Variants in ARHGAP22 observed in about 807,000 individuals in gnomAD.
The protein encoded by ARHGAP22 is rho GTPase-activating protein 22.
ARHGAP22 carries 48 observed loss-of-function variants against 59.1 expected under a neutral mutation model. That is an observed-to-expected ratio of 0.81 (90% CI 0.64 to 1.03). The LOEUF is 1.03. ARHGAP22 is among the 50% of genes least tolerant of loss of function. The pLI, the probability that ARHGAP22 is intolerant of heterozygous loss-of-function variation, is 0.00. For missense variants in ARHGAP22, 1,015 were observed against 958.7 expected (o/e 1.06, Z -0.78); for synonymous variants, 445 against 416.4 (o/e 1.07, Z -0.84).
At position 48,571,591 on chromosome 10, in the gene ARHGAP22, A is replaced by C. The variant is rs543683144; in HGVS notation, c.234+11362T>G. Among the ~76,000 whole-genome samples the C allele has an allele frequency of 2.0e-5, 3 of 152,358 alleles. No homozygotes were observed. The South Asian group carries it at 6.2e-4, about 32-fold the overall frequency. On this transcript the variant is annotated intron_variant, in intron 2 of 9. Transcript: ENST00000249601. Reference sequence around the variant, plus strand: ...TGTGCCTCAGTTTCCTTATTGGGACAGTGGTGATAGTACTCATTCCTAAAT... The same window carrying C: ...TGTGCCTCAGTTTCCTTATTGGGACCGTGGTGATAGTACTCATTCCTAAAT...
At chr10:48,487,718 A>G (rs541714560) in intron 3 of ARHGAP22, among the ~76,000 whole-genome samples, 52 of 152,292 alleles carry the variant, frequency 3.4e-4, no homozygotes, top group African/African-American at 1.3e-3. Flanking sequence ...CTTCTGACCT[A>G]CAGAACCATA....
intron 1 of ARHGAP22, among the ~76,000 whole-genome samples, chr10:48,644,843 T>A (rs768674581): frequency 3.9e-5 from 6 of 152,000 alleles, no homozygotes; most frequent in Non-Finnish European, 8.8e-5. Flanking sequence ...TAAGCTAAGC[T>A]TTCATGTTAA....
intron 3 of ARHGAP22, among the ~76,000 whole-genome samples, chr10:48,506,394 G>T (rs1469680833): frequency 6.6e-6 from 1 of 152,118 alleles, no homozygotes; most frequent in African/African-American, 2.4e-5. Flanking sequence ...ATAATAACAC[G>T]GTGGGAAGTA....
intron 3 of ARHGAP22, among the ~76,000 whole-genome samples, chr10:48,498,064 C>T (rs2051125547): frequency 6.6e-6 from 1 of 152,162 alleles, no homozygotes; most frequent in Non-Finnish European, 1.5e-5. Flanking sequence ...GGATGCAGTG[C>T]CTCGGGCCGG....
intron 1 of ARHGAP22, among the ~76,000 whole-genome samples, chr10:48,647,711 G>A (rs980715394): frequency 4.6e-5 from 7 of 152,184 alleles, no homozygotes; most frequent in Middle Eastern, 3.2e-3. Flanking sequence ...AATGAAAGCC[G>A]TGTGTTCACA....
intron 4 of ARHGAP22, among the ~76,000 whole-genome samples, chr10:48,461,394 T>C (rs1301666374): frequency 6.6e-6 from 1 of 152,204 alleles, no homozygotes; most frequent in Non-Finnish European, 1.5e-5. Context: ...ATGTTCCTCT[T>C]GAGAAAATTC....
At chr10:48,433,030 C>T in the ARHGAP22 span, among the ~76,000 whole-genome samples, 1 of 152,102 alleles carries the variant, frequency 6.6e-6, no homozygotes, top group African/African-American at 2.4e-5. Context: ...CGAGTGCCTT[C>T]CTATCTTTGT....
intron 1 of ARHGAP22, among the ~76,000 whole-genome samples, chr10:48,599,423 G>C (rs1028886750): frequency 6.6e-6 from 1 of 152,196 alleles, no homozygotes; most frequent in Admixed American, 6.5e-5. Flanking sequence ...TGGTTGTTGC[G>C]ATTATTAAGC....
chr10:48,449,397 C>T (rs1197022432), intron 9 of ARHGAP22, among the ~76,000 whole-genome samples: 1 of 152,174 alleles, frequency 6.6e-6, no homozygotes, highest in Non-Finnish European at 1.5e-5. Flanking sequence ...TCTCCATCAC[C>T]CAGGGAACAG....
At chr10:48,583,455 C>T (rs1588962590) in intron 1 of ARHGAP22, among the ~76,000 whole-genome samples, 1 of 152,338 alleles carries the variant, frequency 6.6e-6, no homozygotes, top group East Asian at 1.9e-4. Context: ...ATCCATGTAT[C>T]CAACCATGCA....
intron 1 of ARHGAP22, among the ~76,000 whole-genome samples, chr10:48,590,260 C>CCACCAGCT (rs2059670947): frequency 1.3e-5 from 2 of 151,754 alleles, no homozygotes; most frequent in Non-Finnish European, 2.9e-5. Context: ...GGGAGGGACC[C>CCACCAGCT]GAGCCGGTTT....
chr10:48,488,787 C>T (rs1373787), intron 3 of ARHGAP22, among the ~76,000 whole-genome samples: 144,025 of 152,278 alleles, frequency 0.95, 68,654 homozygotes, highest in East Asian at 1. Flanking sequence ...CTCATGTGCA[C>T]ATGGTGACGA....
intron 2 of ARHGAP22, among the ~76,000 whole-genome samples, chr10:48,571,182 G>T (rs930909674): frequency 6.6e-6 from 1 of 152,088 alleles, no homozygotes; most frequent in South Asian, 2.1e-4. Flanking sequence ...TAATAGTCTG[G>T]CCTCTACTTG....
chr10:48,607,516 T>G (rs2060721789), upstream of ARHGAP22, among the ~76,000 whole-genome samples: 1 of 152,198 alleles, frequency 6.6e-6, no homozygotes, highest in African/African-American at 2.4e-5. Context: ...AGCCCTGATC[T>G]GCAGGGCCCT....
chr10:48,439,831 G>A, the ARHGAP22 span, among the ~76,000 whole-genome samples: 8 of 152,162 alleles, frequency 5.3e-5, no homozygotes, highest in South Asian at 2.1e-4. Flanking sequence ...ACGCCACTCC[G>A]TCTTGCACAG....
At chr10:48,536,064 T>C (rs974621330) in intron 3 of ARHGAP22, among the ~76,000 whole-genome samples, 1 of 152,064 alleles carries the variant, frequency 6.6e-6, no homozygotes, top group South Asian at 2.1e-4. Flanking sequence ...AAAGCATAGA[T>C]AGATGTTGGG....
At chr10:48,468,465 G>A (rs1159172870) in intron 4 of ARHGAP22, among the ~76,000 whole-genome samples, 1 of 152,186 alleles carries the variant, frequency 6.6e-6, no homozygotes, top group Non-Finnish European at 1.5e-5. Flanking sequence ...AGGCCTTGCT[G>A]TAGCCCCTGG....
intron 3 of ARHGAP22, among the ~76,000 whole-genome samples, chr10:48,542,172 T>C (rs2056019217): frequency 6.6e-6 from 1 of 152,134 alleles, no homozygotes; most frequent in African/African-American, 2.4e-5. Flanking sequence ...TGAGGGCCAG[T>C]GCATTTGCAG....
intron 4 of ARHGAP22, among the ~76,000 whole-genome samples, chr10:48,476,362 G>A (rs1220483546): frequency 8.5e-5 from 13 of 152,188 alleles, no homozygotes; most frequent in Non-Finnish European, 1.3e-4. Flanking sequence ...CAGCAGGCAC[G>A]CCACCCACTC....
Sources: gnomAD v4.1 joint callset for allele counts (sites outside exome capture counted in the v4.1 genomes callset) on GRCh38, gnomAD v4.1.1 for gene constraint, MANE v1.5 for transcripts, NCBI Gene and HGNC (gene_info 2026-07-23, HGNC 2026-07-21) for gene names.